Variants in LATS2 observed in about 807,000 individuals in gnomAD.
The protein encoded by LATS2 is serine/threonine-protein kinase LATS2.
In LATS2, 24 loss-of-function variants were observed where a neutral mutation model predicts 76.0. That is an observed-to-expected ratio of 0.32 (90% CI 0.23 to 0.44). The LOEUF is 0.44. LATS2 is among the 20% of genes least tolerant of loss of function. The pLI is 1.00. For missense variants in LATS2, 1,286 were observed against 1,481.2 expected (o/e 0.87, Z 2.16); for synonymous variants, 692 against 635.4 (o/e 1.09, Z -1.34).
Position 20,981,620 on chromosome 13 carries a change from C to T in LATS2, c.2511G>A (p.Glu837=). The change falls in exon 6 of 8, where the codon GAG becomes GAA. Residue 837 remains glutamate, a synonymous_variant. Transcript: ENST00000382592. ...KGSHVRQDSM[E]PSDLWDDVSN... ...ACACATCATCCCAGAGGTCGCTGGG[C>T]TCCATGCTGTCCTGTCTGACATGGC... is the stretch of plus-strand genomic sequence containing the variant. 1 of 1,613,742 alleles carries T rather than the reference C, an allele frequency of 6.2e-7. No individual in the cohort carries two copies. The highest frequency in any genetic ancestry group is 8.5e-7 in the Non-Finnish European group (1 of 1,179,808).
At chr13:20,986,973 A>C (rs917202786) in intron 4 of LATS2, among the ~76,000 whole-genome samples, 5 of 152,188 alleles carry the variant, frequency 3.3e-5, no homozygotes, top group African/African-American at 1.2e-4. Flanking sequence ...TGGGCAGATC[A>C]CCTGAGGTCA....
At chr13:20,986,503 T>C (rs1202881678) in intron 4 of LATS2, among the ~76,000 whole-genome samples, 1 of 152,144 alleles carries the variant, frequency 6.6e-6, no homozygotes, top group Non-Finnish European at 1.5e-5. Context: ...TTATGTTAAG[T>C]GAAATAAGCC....
At chr13:21,022,179 T>C (rs113744830) in intron 2 of LATS2, among the ~76,000 whole-genome samples, 2 of 152,216 alleles carry the variant, frequency 1.3e-5, no homozygotes, top group African/African-American at 4.8e-5. Flanking sequence ...TGTGTGTGCA[T>C]ACATGTGTAC....
At chr13:20,982,184 GA>G (rs1259651768) in intron 5 of LATS2, among the ~76,000 whole-genome samples, 4 of 152,228 alleles carry the variant, frequency 2.6e-5, no homozygotes, top group Admixed American at 2.0e-4. Flanking sequence ...CAGCCATAAA[GA>G]AGATAATAAT....
intron 2 of LATS2, among the ~76,000 whole-genome samples, chr13:21,007,678 A>ATAGTG (rs1565952193): frequency 0.11 from 398 of 3,502 alleles, 135 homozygotes; most frequent in Admixed American, 0.2. Flanking sequence ...GTATATATAT[A>ATAGTG]TATAGTATAT....
At chr13:21,014,064 GGGAA>G (rs1461714038) in intron 2 of LATS2, among the ~76,000 whole-genome samples, 1 of 151,776 alleles carries the variant, frequency 6.6e-6, no homozygotes, top group Non-Finnish European at 1.5e-5. Context: ...AACAAAGAGA[GGGAA>G]GGAAGGAAGG....
intron 5 of LATS2, among the ~76,000 whole-genome samples, chr13:20,982,734 G>C (rs1334287776): frequency 6.6e-6 from 1 of 151,700 alleles, no homozygotes; most frequent in Non-Finnish European, 1.5e-5. Context: ...GCTCACACCT[G>C]TAATCCCAGC....
At chr13:21,050,147 GATACATACATAC>G (rs6144947) in intron 1 of LATS2, among the ~76,000 whole-genome samples, 8 of 53,856 alleles carry the variant, frequency 1.5e-4, no homozygotes, top group African/African-American at 3.8e-4. Context: ...TAGATAGATA[GATACATACATAC>G]ATACATACAT....
chr13:20,974,881 C>A lies in LATS2; in HGVS notation c.3256G>T (p.Val1086Leu). Residue 1086 changes from valine (V) to leucine (L), a missense_variant, in exon 8 of 8, where the codon GTG becomes TTG. This residue lies in a region of LATS2 where 210 missense variants were observed against 234.9 expected (regional missense o/e 0.89). Coordinates refer to ENST00000382592, the MANE Select transcript of LATS2 (RefSeq NM_014572.3). ...LVDQTEGCQP[V>L]YV ...TGCCTGGCCCCCATCTACACGTACA[C>A]AGGCTGGCAGCCTTCAGTCTGATCC... 1.2e-6 allele frequency: 2 copies of A among 1,610,856 alleles called. No homozygotes were observed. Among genetic ancestry groups the A allele is most frequent in the Non-Finnish European group, 1.7e-6 (2 of 1,178,416 alleles).
intron 2 of LATS2, among the ~76,000 whole-genome samples, chr13:20,998,321 C>G (rs909754118): frequency 2.0e-5 from 3 of 151,934 alleles, no homozygotes; most frequent in African/African-American, 7.3e-5. Flanking sequence ...CCACTGCACT[C>G]CAGCCTGGGA....
chr13:21,025,211 C>T (rs1872262619), intron 2 of LATS2, among the ~76,000 whole-genome samples: 1 of 105,432 alleles, frequency 9.5e-6, no homozygotes, highest in Admixed American at 1.2e-4. Context: ...GAAACCCCGT[C>T]TCTACTAAAA....
At chr13:21,050,242 C>T (rs9509507) in intron 1 of LATS2, among the ~76,000 whole-genome samples, 79,210 of 151,486 alleles carry the variant, frequency 0.52, 23,889 homozygotes, top group Non-Finnish European at 0.67. Context: ...AGGGGCAATC[C>T]ACTTATTTAA....
chr13:20,977,286 T>G (rs1163983996), intron 7 of LATS2, among the ~76,000 whole-genome samples: 2 of 151,776 alleles, frequency 1.3e-5, no homozygotes, highest in Non-Finnish European at 2.9e-5. Context: ...TCCCAGCTGC[T>G]TGGGAGGCTG....
At chr13:20,999,327 T>A (rs1041510560) in intron 2 of LATS2, among the ~76,000 whole-genome samples, 1 of 152,236 alleles carries the variant, frequency 6.6e-6, no homozygotes, top group Non-Finnish European at 1.5e-5. Flanking sequence ...GCTCGGCACA[T>A]ACAGGTACAA....
rs189402556 is a variant in LATS2, at chr13:20,989,453, G to A, written c.476-149C>T. On this transcript the variant is annotated intron_variant, in intron 3 of 7. Coordinates refer to ENST00000382592, the MANE Select transcript of LATS2 (RefSeq NM_014572.3). The stretch of plus-strand genomic sequence containing the variant: ...ACGTGCTGCATTCTGCCCAGCACAG[G>A]GTCAGTGGACTCCCCTCTGCCCTGC... 203 of 791,544 alleles carry A rather than the reference G, an allele frequency of 2.6e-4. 5 individuals are homozygous for A. In the South Asian group the frequency reaches 3.1e-3, roughly 12 times the overall value. The allele number at this position is 791,544 out of a possible 1,614,324, so 49.0% of individuals were successfully genotyped here.
At chr13:21,017,492 T>C (rs1431859127) in intron 2 of LATS2, among the ~76,000 whole-genome samples, 1 of 152,178 alleles carries the variant, frequency 6.6e-6, no homozygotes, top group Non-Finnish European at 1.5e-5. Context: ...TACATTGTTA[T>C]GTGCAACCCA....
chr13:21,019,929 G>A (rs183403479), intron 2 of LATS2, among the ~76,000 whole-genome samples: 25 of 149,840 alleles, frequency 1.7e-4, no homozygotes, highest in African/African-American at 5.9e-4. Context: ...AGCTGAGATC[G>A]TGCCACTGCA....
chr13:21,034,101 AGAC>A (rs928516298), intron 2 of LATS2, among the ~76,000 whole-genome samples: 10 of 152,320 alleles, frequency 6.6e-5, no homozygotes, highest in East Asian at 5.8e-4. Context: ...CATTGTGGTC[AGAC>A]TGCCACCTCT....
At chr13:20,997,479 G>A (rs1321920516) in intron 2 of LATS2, among the ~76,000 whole-genome samples, 1 of 152,198 alleles carries the variant, frequency 6.6e-6, no homozygotes, top group Non-Finnish European at 1.5e-5. Context: ...CCAGTATCTT[G>A]AGGCTGGTCC....
Sources: allele counts gnomAD v4.1 joint callset (sites outside exome capture counted in the v4.1 genomes callset), GRCh38; gene constraint gnomAD v4.1.1; regional missense constraint gnomAD v4.1.1; transcripts MANE v1.5; gene names NCBI Gene and HGNC (gene_info 2026-07-23, HGNC 2026-07-21).